Variants in CDYL2 observed in about 807,000 individuals in gnomAD.
The protein encoded by CDYL2 is chromodomain Y-like protein 2.
CDYL2 carries 23 observed loss-of-function variants against 49.4 expected under a neutral mutation model. The observed-to-expected ratio is 0.47, with a 90% confidence interval of 0.34 to 0.66. CDYL2 has a LOEUF of 0.66. Ranked by LOEUF, CDYL2 falls within the 30% of genes least tolerant of loss-of-function variation. CDYL2 has a pLI of 0.01. For missense variants in CDYL2, 678 were observed against 656.4 expected, an observed-to-expected ratio of 1.03 and a Z score of -0.36; for synonymous variants, 360 against 268.8, an observed-to-expected ratio of 1.34 and a Z score of -3.32.
chr16:80,748,539 A>C (rs1396507016), intron 1 of CDYL2, among the ~76,000 whole-genome samples: 2 of 147,574 alleles, frequency 1.4e-5, no homozygotes, highest in African/African-American at 5.0e-5. Flanking sequence ...AAAAAAAAAA[A>C]ACTCAGGTGG....
At chr16:80,664,048 G>A (rs1265315752) in intron 2 of CDYL2, among the ~76,000 whole-genome samples, 1 of 151,064 alleles carries the variant, frequency 6.6e-6, no homozygotes, top group South Asian at 2.1e-4. Context: ...CAGGATCCTG[G>A]TATGTGGCAA....
In CDYL2 at chr16:80,684,852, C is replaced by G; in HGVS notation, c.302G>C (p.Gly101Ala). 6.2e-7 allele frequency: 1 copy of G among 1,614,124 alleles called. No homozygotes were observed. The change falls in exon 2 of 7, where the codon GGG becomes GCG. Residue 101 changes from glycine to alanine, a missense_variant. Physicochemically the swap from Gly to Ala is moderately conservative, Grantham distance 60. Around this residue, in one of 3 missense-constraint regions of CDYL2, gnomAD observed 478 missense variants for 427.0 expected, o/e 1.12. Coordinates refer to ENST00000570137, the MANE Select transcript of CDYL2 (RefSeq NM_152342.4). ...AATTCGCTTCCGTTTATGGGAGGTC[C>G]CCTTGCTCTTTCCAGGATCTGAAGG... ...HRPSDPGKSK[G>A]TSHKRKRINP...
intron 5 of CDYL2, among the ~76,000 whole-genome samples, chr16:80,608,822 AAG>A (rs1039353635): frequency 6.6e-6 from 1 of 152,160 alleles, no homozygotes; most frequent in African/African-American, 2.4e-5. Flanking sequence ...GATTAAGAGA[AAG>A]AGAGAGAGAC....
At chr16:80,614,506 C>T (rs550349254) in intron 4 of CDYL2, among the ~76,000 whole-genome samples, 2 of 152,350 alleles carry the variant, frequency 1.3e-5, no homozygotes, top group African/African-American at 4.8e-5. Context: ...ATTTTAGGTT[C>T]ATGTATGTGA....
At chr16:80,742,972 G>C (rs150657593) in intron 1 of CDYL2, among the ~76,000 whole-genome samples, 24 of 131,736 alleles carry the variant, frequency 1.8e-4, no homozygotes, top group Non-Finnish European at 2.5e-4. Context: ...ATGGGTGGAT[G>C]AATCGATAGG....
chr16:80,683,413 A>C (rs930332256), intron 2 of CDYL2, among the ~76,000 whole-genome samples: 1 of 152,252 alleles, frequency 6.6e-6, no homozygotes, highest in Non-Finnish European at 1.5e-5. Context: ...CAATGTGACC[A>C]CACAGGAAAT....
At chr16:80,664,005 A>T (rs1053188629) in intron 2 of CDYL2, among the ~76,000 whole-genome samples, 3 of 152,160 alleles carry the variant, frequency 2.0e-5, no homozygotes, top group Non-Finnish European at 2.9e-5. Context: ...AAAACCCTCC[A>T]AGGCCATGCT....
chr16:80,667,574 T>C (rs1447175545), intron 2 of CDYL2, among the ~76,000 whole-genome samples: 7 of 152,204 alleles, frequency 4.6e-5, no homozygotes, highest in Admixed American at 2.0e-4. Flanking sequence ...GCATGAGGTA[T>C]TGCAGTTATT....
rs371519684 is a variant in CDYL2, at chr16:80,691,057, CA to C, written c.25-5929del. 2.5e-4 allele frequency among the ~76,000 whole-genome samples: 37 copies of C among 147,546 alleles called. 1 individual carries two copies. The highest frequency in any genetic ancestry group is 2.7e-4 in the Admixed American group (4 of 14,804). ...GGTCTCTGGGAGCAAAAAGCAAGGC[CA>C]AAAAAAAAAGAACAGAGAAAGAAGA... On this transcript the variant is annotated intron_variant, in intron 1 of 6. Transcript: ENST00000570137.
chr16:80,654,879 G>C (rs905940100), intron 2 of CDYL2, among the ~76,000 whole-genome samples: 1 of 152,216 alleles, frequency 6.6e-6, no homozygotes. Context: ...GAGTAAACAC[G>C]AGTGTCTAAT....
At chr16:80,703,206 A>G (rs1026563113) in intron 1 of CDYL2, among the ~76,000 whole-genome samples, 3 of 152,194 alleles carry the variant, frequency 2.0e-5, no homozygotes, top group African/African-American at 7.2e-5. Context: ...GATTAGTGTT[A>G]ATTATCTTCT....
In CDYL2 at chr16:80,607,573, C is replaced by G. The variant is rs549724161; in HGVS notation, c.1362+519G>C. Among the ~76,000 whole-genome samples the G allele has an allele frequency of 3.9e-5, 6 of 152,340 alleles. No homozygotes were observed. In the South Asian group the frequency reaches 1.2e-3, roughly 32 times the overall value. On this transcript the variant is annotated intron_variant, in intron 6 of 6. Coordinates refer to ENST00000570137, the MANE Select transcript of CDYL2 (RefSeq NM_152342.4). ...TGACTGTTATGAGATAAAATCAACA[C>G]TTAATTAAAAACCACTGCCTCTGCA...
At chr16:80,732,303 G>A (rs150129860) in intron 1 of CDYL2, among the ~76,000 whole-genome samples, 1 of 151,638 alleles carries the variant, frequency 6.6e-6, no homozygotes, top group African/African-American at 2.4e-5. Flanking sequence ...TTCTGTCTTA[G>A]TGGGACCTCT....
chr16:80,682,502 G>A (rs2142471260), intron 2 of CDYL2, among the ~76,000 whole-genome samples: 1 of 152,298 alleles, frequency 6.6e-6, no homozygotes, highest in South Asian at 2.1e-4. Flanking sequence ...GCAGAAGATT[G>A]CACAGCACAA....
chr16:80,662,136 C>G (rs1909070848), intron 2 of CDYL2, among the ~76,000 whole-genome samples: 1 of 152,164 alleles, frequency 6.6e-6, no homozygotes, highest in South Asian at 2.1e-4. Context: ...CACTTGTTTT[C>G]TGCAATCCAG....
chr16:80,732,039 A>G (rs1055437025), intron 1 of CDYL2, among the ~76,000 whole-genome samples: 4 of 152,136 alleles, frequency 2.6e-5, no homozygotes, highest in Non-Finnish European at 5.9e-5. Context: ...GGCCAAGGAT[A>G]GTGCAAGGCT....
At chr16:80,636,614 A>T (rs1444905474) in intron 2 of CDYL2, among the ~76,000 whole-genome samples, 1 of 152,174 alleles carries the variant, frequency 6.6e-6, no homozygotes, top group East Asian at 1.9e-4. Flanking sequence ...TGGGAGTGTA[A>T]ATTACTTCAA....
At chr16:80,801,643 T>C (rs1567449890) in intron 1 of CDYL2, among the ~76,000 whole-genome samples, 1 of 152,254 alleles carries the variant, frequency 6.6e-6, no homozygotes, top group Admixed American at 6.5e-5. Context: ...TAATATTTAA[T>C]GAAAGTAATA....
intron 1 of CDYL2, among the ~76,000 whole-genome samples, chr16:80,784,967 G>A (rs1026591950): frequency 6.6e-6 from 1 of 152,142 alleles, no homozygotes; most frequent in African/African-American, 2.4e-5. Flanking sequence ...GCAAAGGATA[G>A]CTGCATGAAC....
Sources: gnomAD v4.1 joint callset for allele counts (sites outside exome capture counted in the v4.1 genomes callset) on GRCh38, gnomAD v4.1.1 for gene constraint, gnomAD v4.1.1 regional missense constraint, MANE v1.5 for transcripts, NCBI Gene and HGNC (gene_info 2026-07-23, HGNC 2026-07-21) for gene names.